SLC5A11: variants seen among roughly 807,000 people sequenced by gnomAD.
The protein encoded by SLC5A11 is sodium/myo-inositol cotransporter 2.
In SLC5A11, 48 loss-of-function variants were observed where a neutral mutation model predicts 69.8. That is an observed-to-expected ratio of 0.69 (90% confidence interval 0.55 to 0.87). The LOEUF is 0.87. Ranked by LOEUF, SLC5A11 falls within the 40% of genes least tolerant of loss-of-function variation. SLC5A11 has a pLI of 0.00. For synonymous variants in SLC5A11, 319 were observed against 342.4 expected (o/e 0.93, Z 0.75); for missense variants, 784 against 866.1 (o/e 0.91, Z 1.19).
chr16:24,855,918 C>A (rs1381424143), intron 1 of SLC5A11, among the ~76,000 whole-genome samples: 1 of 152,168 alleles, frequency 6.6e-6, no homozygotes, highest in Non-Finnish European at 1.5e-5. Flanking sequence ...AATGGACTAA[C>A]CCCTGCTTAT....
intron 2 of SLC5A11, among the ~76,000 whole-genome samples, chr16:24,860,323 G>C (rs970198213): frequency 6.6e-6 from 1 of 152,100 alleles, no homozygotes; most frequent in Non-Finnish European, 1.5e-5. Context: ...AGACGTGGTG[G>C]TGGGTGCCTG....
chr16:24,884,476 A>G (rs939474200), intron 8 of SLC5A11, among the ~76,000 whole-genome samples: 51 of 150,646 alleles, frequency 3.4e-4, no homozygotes, highest in Non-Finnish European at 7.4e-5. Context: ...GACTACAGAC[A>G]TAGGCCACTA....
At chr16:24,908,555 G>A (rs1436201669) in intron 13 of SLC5A11, among the ~76,000 whole-genome samples, 2 of 126,972 alleles carry the variant, frequency 1.6e-5, no homozygotes, top group Non-Finnish European at 3.1e-5. Context: ...CTGAGACCAC[G>A]CCACTGCACT....
At chr16:24,850,461 C>T (rs754615571) in intron 1 of SLC5A11, among the ~76,000 whole-genome samples, 60 of 152,350 alleles carry the variant, frequency 3.9e-4, no homozygotes, top group Non-Finnish European at 8.1e-4. Flanking sequence ...GGCCAGGGCA[C>T]AGCTTGCTGC....
chr16:24,904,162 C>G (rs1277043316), intron 10 of SLC5A11, among the ~76,000 whole-genome samples: 1 of 152,178 alleles, frequency 6.6e-6, no homozygotes, highest in African/African-American at 2.4e-5. Context: ...CACCTCCCTC[C>G]CTCGACATGG....
At chr16:24,851,757 A>G (rs1246376626) in intron 1 of SLC5A11, among the ~76,000 whole-genome samples, 1 of 152,200 alleles carries the variant, frequency 6.6e-6, no homozygotes, top group Non-Finnish European at 1.5e-5. Flanking sequence ...CATTTCGTAG[A>G]TGGGAAATTG....
intron 8 of SLC5A11, among the ~76,000 whole-genome samples, chr16:24,886,627 G>T (rs7200662): frequency 0.045 from 6,862 of 152,138 alleles, 451 homozygotes; most frequent in African/African-American, 0.14. Flanking sequence ...AGGCAAAATC[G>T]ATGAACAAGA....
chr16:24,850,817 T>G (rs2059269196), intron 1 of SLC5A11, among the ~76,000 whole-genome samples: 1 of 152,022 alleles, frequency 6.6e-6, no homozygotes, highest in Non-Finnish European at 1.5e-5. Flanking sequence ...TATTCGTTTT[T>G]TTTTTTTCTT....
intron 10 of SLC5A11, among the ~76,000 whole-genome samples, chr16:24,905,234 G>C (rs2049929856): frequency 6.9e-6 from 1 of 144,112 alleles, no homozygotes; most frequent in Non-Finnish European, 1.5e-5. Flanking sequence ...GACCAGCCTG[G>C]GCAACATGAT....
intron 9 of SLC5A11, among the ~76,000 whole-genome samples, chr16:24,892,301 A>G (rs1481287905): frequency 6.6e-6 from 1 of 152,100 alleles, no homozygotes; most frequent in African/African-American, 2.4e-5. Flanking sequence ...ACTTTGTAGA[A>G]GAGCGAGAGC....
chr16:24,874,571 T>A (rs957537503), intron 5 of SLC5A11, among the ~76,000 whole-genome samples: 5 of 152,098 alleles, frequency 3.3e-5, no homozygotes, highest in African/African-American at 4.8e-5. Context: ...TTTTTAAAAT[T>A]TTTTTGAGAC....
intron 10 of SLC5A11, among the ~76,000 whole-genome samples, chr16:24,905,281 A>C (rs1331780378): frequency 5.4e-5 from 8 of 147,490 alleles, no homozygotes; most frequent in Admixed American, 3.4e-4. Context: ...AAAAAAAAAA[A>C]AAAAAAAAAA....
intron 8 of SLC5A11, among the ~76,000 whole-genome samples, 180 bp from the exon 10 acceptor site, chr16:24,890,689 A>G (rs274080): frequency 0.24 from 36,608 of 151,708 alleles, 4,563 homozygotes; most frequent in South Asian, 0.39. Context: ...GTCCAATAAA[A>G]CTCTAATATT....
chr16:24,850,995 G>A (rs1199310809), intron 1 of SLC5A11, among the ~76,000 whole-genome samples: 2 of 151,654 alleles, frequency 1.3e-5, no homozygotes, highest in Non-Finnish European at 2.9e-5. Context: ...ATTTTTAGTG[G>A]AGACAGGGTT....
chr16:24,873,248 A>AGGAAGGAAGGAG (rs1389638954), intron 5 of SLC5A11, among the ~76,000 whole-genome samples: 4 of 15,718 alleles, frequency 2.5e-4, no homozygotes, highest in Non-Finnish European at 5.6e-4. Flanking sequence ...AGAGGGAGGG[A>AGGAAGGAAGGAG]GGAAGGAAGG....
At chr16:24,909,599 C>T (rs2050340276) in intron 14 of SLC5A11, among the ~76,000 whole-genome samples, 1 of 140,130 alleles carries the variant, frequency 7.1e-6, no homozygotes. Flanking sequence ...TATGACCATG[C>T]CACTGCACTT....
At chr16:24,911,328 G>A in exon 16 of SLC5A11, 1 of 1,613,844 alleles carries the variant, frequency 6.2e-7, no homozygotes, top group Non-Finnish European at 8.5e-7. Flanking sequence ...TTCTTTCTAG[G>A]TGACATGACC....
intron 1 of SLC5A11, among the ~76,000 whole-genome samples, chr16:24,852,536 G>A (rs1298519583): frequency 6.6e-6 from 1 of 152,076 alleles, no homozygotes. Context: ...GCACAGGGAG[G>A]GTTCTTCACA....
intron 5 of SLC5A11, among the ~76,000 whole-genome samples, chr16:24,874,855 A>G (rs561944584): frequency 6.6e-6 from 1 of 152,212 alleles, no homozygotes; most frequent in East Asian, 1.9e-4. Flanking sequence ...TGTTGGGATT[A>G]CAGGCCTGAG....
Sources: allele counts gnomAD v4.1 joint callset (sites outside exome capture counted in the v4.1 genomes callset), GRCh38; gene constraint gnomAD v4.1.1; transcripts MANE v1.5; gene names NCBI Gene and HGNC (gene_info 2026-07-23, HGNC 2026-07-21).